DBF4B: variants seen among roughly 807,000 people sequenced by gnomAD.
The protein encoded by DBF4B is protein DBF4 homolog B.
In DBF4B, 49 loss-of-function variants were observed where a neutral mutation model predicts 53.4. The observed-to-expected ratio is 0.92, with a 90% CI of 0.73 to 1.16. The LOEUF (loss-of-function observed/expected upper bound fraction) is 1.16, where lower values mean the gene tolerates loss of function less well. Among genes scored for constraint, DBF4B ranks in the 50% most tolerant of loss-of-function variants. The pLI, the probability that DBF4B is intolerant of heterozygous loss-of-function variation, is 0.00. For missense variants in DBF4B, 692 were observed against 775.0 expected (o/e 0.89, Z 1.27); for synonymous variants, 257 against 288.7 (o/e 0.89, Z 1.11).
Position 44,749,900 on chromosome 17 carries a change from T to G in DBF4B, c.1190-695T>G. Reference sequence around the variant, plus strand: ...TGTCCCCTCCCCCAGCCCCCCACGCTCCCGCACACAGATCCTCAGGAACAT... The same window carrying G: ...TGTCCCCTCCCCCAGCCCCCCACGCGCCCGCACACAGATCCTCAGGAACAT... On this transcript the variant is annotated intron_variant, in intron 13 of 13. Transcript: ENST00000315005. This position sits in a 1 kb window ranked among gnomAD's most constrained non-coding sequence, Gnocchi z 4.4. 9.7e-7 allele frequency: 1 copy of G among 1,035,114 alleles called. No homozygotes were observed. Among genetic ancestry groups the G allele is most frequent in the Non-Finnish European group, 1.2e-6 (1 of 859,672 alleles). 64.1% of individuals were successfully genotyped at this position (1,035,114 alleles called of 1,614,324 possible).
In DBF4B at chr17:44,736,976, G is replaced by A. The variant is rs1975508949; in HGVS notation, c.667+110G>A. 5.3e-6 allele frequency: 7 copies of A among 1,318,656 alleles called. No homozygotes were observed. The South Asian group carries it at 7.4e-5, about 14-fold the overall frequency. The allele number at this position is 1,318,656 out of a possible 1,614,324, so 81.7% of individuals were successfully genotyped here. A position where few individuals can be genotyped will look rare whatever the true frequency, so the allele number is the denominator to read the frequency against. On this transcript the variant is annotated intron_variant, in intron 8 of 13. Transcript: ENST00000315005. The stretch of plus-strand genomic sequence containing the variant: ...CTCACTTTTCTGTGGCAGCAAGCGA[G>A]TCCAGGTTATCTTGCCCCTTTGTGT...
intron 2 of DBF4B, among the ~76,000 whole-genome samples, chr17:44,713,628 G>T (rs1331807085): frequency 6.6e-6 from 1 of 152,070 alleles, no homozygotes; most frequent in Non-Finnish European, 1.5e-5. Context: ...CAGCTTGGGC[G>T]ACAGAGAAAG....
chr17:44,751,709 ACCT>A lies in DBF4B; in HGVS notation c.*460_*462del. 1 of 1,431,966 alleles carries A rather than the reference ACCT, an allele frequency of 7.0e-7. No individual in the cohort carries two copies. The highest frequency in any genetic ancestry group is 9.1e-7 in the Non-Finnish European group (1 of 1,095,354). The allele number at this position is 1,431,966 out of a possible 1,614,324, so 88.7% of individuals were successfully genotyped here. A position where few individuals can be genotyped will look rare whatever the true frequency, so the allele number is the denominator to read the frequency against. On this transcript the variant is annotated 3_prime_UTR_variant, in exon 14 of 14. Transcript: ENST00000315005. ...GGTCTATACCTACCGCCTCCTCTTC[ACCT>A]CCTTCCCTTCCACACTTCCTTCCTG...
At chr17:44,740,038 A>G (rs62066008) in intron 9 of DBF4B, among the ~76,000 whole-genome samples, 14,360 of 152,090 alleles carry the variant, frequency 0.094, 830 homozygotes, top group Non-Finnish European at 0.14. Flanking sequence ...CTGGAATTAC[A>G]GGTGGGAGCC....
At position 44,724,523 on chromosome 17, in the gene DBF4B, G is replaced by T. The variant is rs552378730; in HGVS notation, c.225+1501G>T. ...CTCCCAAGTAGCTGGGACTACAGGC[G>T]CCTATCACCACGCCCGGCTAATTTT... On this transcript the variant is annotated intron_variant, in intron 3 of 13. Coordinates refer to ENST00000315005, the MANE Select transcript of DBF4B (RefSeq NM_145663.3). 3.4e-4 allele frequency among the ~76,000 whole-genome samples: 52 copies of T among 152,270 alleles called. 2 individuals are homozygous for T. The South Asian group carries it at 4.8e-3, about 14-fold the overall frequency.
At chr17:44,744,256 A>G (rs1976391582) in intron 10 of DBF4B, among the ~76,000 whole-genome samples, 1 of 152,094 alleles carries the variant, frequency 6.6e-6, no homozygotes, top group African/African-American at 2.4e-5. Context: ...TATTAAAAAT[A>G]CAAAAATTAG....
intron 2 of DBF4B, chr17:44,718,942 C>T (rs1021954323): frequency 6.7e-6 from 1 of 148,680 alleles, no homozygotes; most frequent in Non-Finnish European, 1.5e-5. Context: ...GCCTGGGTGA[C>T]AGAGTGAGAC....
intron 2 of DBF4B, among the ~76,000 whole-genome samples, chr17:44,718,261 A>G (rs547703992): frequency 1.3e-5 from 2 of 151,898 alleles, no homozygotes; most frequent in African/African-American, 4.8e-5. Flanking sequence ...TGTCTCTACT[A>G]AAAATACAAA....
chr17:44,742,457 T>C (rs1422024237), intron 10 of DBF4B, among the ~76,000 whole-genome samples: 1 of 150,626 alleles, frequency 6.6e-6, no homozygotes, highest in African/African-American at 2.4e-5. Context: ...GACAAGTGCC[T>C]GTAGTCCCAC....
intron 10 of DBF4B, among the ~76,000 whole-genome samples, chr17:44,742,526 A>C (rs1567671276): frequency 6.6e-6 from 1 of 152,098 alleles, no homozygotes; most frequent in Non-Finnish European, 1.5e-5. Context: ...GGTTGCAGTA[A>C]GCTATGATTG....
intron 2 of DBF4B, 79 bp downstream of exon 2, chr17:44,709,445 C>T (rs1046856937): frequency 7.5e-5 from 110 of 1,461,986 alleles, no homozygotes; most frequent in Non-Finnish European, 9.6e-5. Context: ...AAATGTTCCC[C>T]CTGTTGGAGT....
Position 44,730,005 on chromosome 17 carries a change from G to A in DBF4B, c.326G>A (p.Ser109Asn). Residue 109 changes from serine (S) to asparagine (N), a missense_variant, in exon 4 of 14, where the codon AGC (serine) becomes AAC (asparagine). Ser to Asn is a conservative substitution (Grantham distance 46, BLOSUM62 1). Transcript: ENST00000315005. ...GGGAAAAGCCATAGAGGCTGCCCTA[G>A]CCCTAGCCCCAGTGAGGTCAGAGTG... is the stretch of plus-strand genomic sequence containing the variant. ...SSGKSHRGCP[S>N]PSPSEVRVET... 6.2e-7 allele frequency: 1 copy of A among 1,613,830 alleles called. No individual in the cohort carries two copies. The highest frequency in any genetic ancestry group is 8.5e-7 in the Non-Finnish European group (1 of 1,180,022).
intron 3 of DBF4B, among the ~76,000 whole-genome samples, chr17:44,726,292 T>TTTTATTTA (rs377668647): frequency 0.52 from 68,193 of 131,694 alleles, 18,316 homozygotes; most frequent in Non-Finnish European, 0.55. Context: ...CCCGGCCCTT[T>TTTTATTTA]TTTATTTATT....
rs1216758362 is a variant in DBF4B, at chr17:44,749,246, T to A, written c.1189+781T>A. On this transcript the variant is annotated intron_variant, in intron 13 of 13. Transcript: ENST00000315005. The surrounding 1 kb of genome is among the most constrained non-coding windows in gnomAD (Gnocchi z 4.4). The stretch of plus-strand genomic sequence containing the variant: ...CCTCTCCAGGTGCCCTGTCTCCCTG[T>A]CTCCCAGCCCTGGTCCCAACCCCAG... The A allele has an allele frequency of 7.7e-7, 1 of 1,290,332 alleles. No homozygotes were observed. The highest frequency in any genetic ancestry group is 1.0e-6 in the Non-Finnish European group (1 of 988,866). The allele number at this position is 1,290,332 out of a possible 1,614,324, so 79.9% of individuals were successfully genotyped here.
At chr17:44,746,942 G>C in intron 10 of DBF4B, 141 bp from the exon 11 acceptor site, 1 of 711,256 alleles carries the variant, frequency 1.4e-6, no homozygotes, top group Middle Eastern at 2.4e-4. Context: ...CTCAGGGAAG[G>C]CCTGCCTGCC....
intron 2 of DBF4B, among the ~76,000 whole-genome samples, chr17:44,711,420 C>T (rs1972855573): frequency 6.6e-6 from 1 of 152,122 alleles, no homozygotes; most frequent in Non-Finnish European, 1.5e-5. Context: ...AAGCAATTCT[C>T]CTGCCTCAGT....
intron 10 of DBF4B, among the ~76,000 whole-genome samples, 188 bp from the exon 11 acceptor site, chr17:44,746,895 G>A (rs368350072): frequency 2.6e-5 from 4 of 151,910 alleles, no homozygotes; most frequent in Non-Finnish European, 5.9e-5. Flanking sequence ...CTTCTTCCTT[G>A]TTCCCCTCTT....
rs1381771488 is a variant in DBF4B, at chr17:44,752,110, T to C, written c.*857T>C. On this transcript the variant is annotated 3_prime_UTR_variant, in exon 14 of 14. Coordinates refer to ENST00000315005, the MANE Select transcript of DBF4B (RefSeq NM_145663.3). Reference sequence around the variant, plus strand: ...TGGTAGCTCCACCCCAACTCCCTTCTGCTGGGTGGAATGCAGGAGCTAGCT... The same window carrying C: ...TGGTAGCTCCACCCCAACTCCCTTCCGCTGGGTGGAATGCAGGAGCTAGCT... 30 of 1,003,218 alleles carry C rather than the reference T, an allele frequency of 3.0e-5. 1 individual carries two copies. The South Asian group carries it at 3.5e-4, about 12-fold the overall frequency. 62.1% of individuals were successfully genotyped at this position (1,003,218 alleles called of 1,614,324 possible).
At chr17:44,723,657 G>A (rs1486822266) in intron 3 of DBF4B, among the ~76,000 whole-genome samples, 1 of 151,902 alleles carries the variant, frequency 6.6e-6, no homozygotes, top group Non-Finnish European at 1.5e-5. Flanking sequence ...TGCTCAGGAG[G>A]CTAAGGCAGG....
Sources: allele counts gnomAD v4.1 joint callset (sites outside exome capture counted in the v4.1 genomes callset), GRCh38; gene constraint gnomAD v4.1.1; non-coding constraint Gnocchi (gnomAD v3.1); transcripts MANE v1.5; gene names NCBI Gene and HGNC (gene_info 2026-07-23, HGNC 2026-07-21).